The following DSTYK variants were observed in gnomAD, a reference collection of about 807,000 sequenced individuals.
DSTYK encodes the protein dual serine/threonine and tyrosine protein kinase, also known as RIP-homologous kinase.
In DSTYK, 34 loss-of-function variants were observed where a neutral mutation model predicts 98.7. That is an observed-to-expected ratio of 0.34 (90% confidence interval 0.26 to 0.46). DSTYK has a LOEUF of 0.46. DSTYK is among the 20% of genes least tolerant of loss of function. The probability of loss-of-function intolerance (pLI) is 1.00; values close to 1 mark genes in which losing one functional copy is unlikely to be tolerated. For synonymous variants in DSTYK, 462 were observed against 457.3 expected, an observed-to-expected ratio of 1.01 and a Z score of -0.13; for missense variants, 962 against 1,181.7, an observed-to-expected ratio of 0.81 and a Z score of 2.73.
intron 1 of DSTYK, among the ~76,000 whole-genome samples, chr1:205,195,577 C>T (rs922580259): frequency 1.3e-5 from 2 of 152,268 alleles, no homozygotes; most frequent in East Asian, 1.9e-4. Flanking sequence ...AAGTAGTACA[C>T]GCTATTTCTT....
chr1:205,147,622 A>G lies in DSTYK; in HGVS notation c.2726T>C (p.Ile909Thr), dbSNP rs144574659. The G allele has an allele frequency of 1.6e-5, 26 of 1,613,964 alleles. No homozygotes were observed. The African/African-American group carries it at 3.3e-4, about 21-fold the overall frequency. The change falls in exon 13 of 13, where the codon ATC becomes ACC. Residue 909 changes from isoleucine (I) to threonine (T), a missense_variant. Ile to Thr is a moderately conservative substitution (Grantham distance 89, BLOSUM62 -1). This residue lies in a region of DSTYK where 65 missense variants were observed against 63.9 expected (regional missense o/e 1.02). Transcript: ENST00000367162. Reference protein sequence around the residue: ...LGIVQPMLQGIMNRLCKSNSE... With the variant: ...LGIVQPMLQGTMNRLCKSNSE... Reference sequence around the variant, plus strand: ...ATTGGACTTGCAGAGCCGATTCATGATGCCCTGGAGCATGGGCTGGACAAT... The same window carrying G: ...ATTGGACTTGCAGAGCCGATTCATGGTGCCCTGGAGCATGGGCTGGACAAT...
intron 1 of DSTYK, among the ~76,000 whole-genome samples, chr1:205,206,686 G>A (rs564345418): frequency 2.7e-5 from 4 of 150,748 alleles, no homozygotes; most frequent in African/African-American, 4.9e-5. Flanking sequence ...AGATTCAAGC[G>A]ATTCTCCTGC....
intron 2 of DSTYK, among the ~76,000 whole-genome samples, chr1:205,180,686 A>G (rs1208651551): frequency 1.3e-5 from 2 of 152,170 alleles, no homozygotes; most frequent in Admixed American, 1.3e-4. Flanking sequence ...GCTGGTCTCA[A>G]ACTCCTGAAC....
intron 12 of DSTYK, 80 bp downstream of exon 12, chr1:205,148,125 C>T (rs1657297494): frequency 6.3e-7 from 1 of 1,576,648 alleles, no homozygotes; most frequent in Admixed American, 1.7e-5. Context: ...GATGGGATGA[C>T]AGGAGACCCG....
At chr1:205,202,146 G>A (rs1659062070) in intron 1 of DSTYK, 3 of 529,752 alleles carry the variant, frequency 5.7e-6, no homozygotes, top group African/African-American at 1.9e-5. Flanking sequence ...GAAGGGGAAG[G>A]GGAAGGGGCT....
intron 8 of DSTYK, 49 bp downstream of exon 8, chr1:205,160,065 G>A (rs1426995248): frequency 1.2e-6 from 2 of 1,605,862 alleles, no homozygotes. Flanking sequence ...CAGGGTTCTA[G>A]ATTCTTCTCT....
At position 205,144,578 on chromosome 1, in the gene DSTYK, TAC is replaced by T. The variant is rs1448687154; in HGVS notation, c.*2978_*2979del. Reference sequence around the variant, plus strand: ...AATGTTATAAAACAAAAGCAAAGTATACACACTCTATACACACGTATACCTGC... The same window carrying T: ...AATGTTATAAAACAAAAGCAAAGTATACACTCTATACACACGTATACCTGC... On this transcript the variant is annotated 3_prime_UTR_variant, in exon 13 of 13. Coordinates refer to ENST00000367162, the MANE Select transcript of DSTYK (RefSeq NM_015375.3). 2 of 152,600 alleles carry T rather than the reference TAC, an allele frequency of 1.3e-5. No homozygotes were observed. Among genetic ancestry groups the T allele is most frequent in the Non-Finnish European group, 2.9e-5 (2 of 68,036 alleles). 9.5% of individuals were successfully genotyped at this position (152,600 alleles called of 1,614,324 possible).
At chr1:205,170,119 T>G (rs571649409) in intron 2 of DSTYK, among the ~76,000 whole-genome samples, 1 of 152,276 alleles carries the variant, frequency 6.6e-6, no homozygotes, top group East Asian at 1.9e-4. Flanking sequence ...CCTTTATTGC[T>G]TAGACATTCC....
In DSTYK at chr1:205,150,611, T is replaced by TC; in HGVS notation, c.2467+68dup. 2 of 1,282,194 alleles carry TC rather than the reference T, an allele frequency of 1.6e-6. No homozygotes were observed. Among genetic ancestry groups the TC allele is most frequent in the East Asian group, 4.7e-5 (2 of 42,770 alleles). The allele number at this position is 1,282,194 out of a possible 1,614,324, so 79.4% of individuals were successfully genotyped here. On this transcript the variant is annotated intron_variant, in intron 11 of 12. Transcript: ENST00000367162. The surrounding 1 kb of genome is among the most constrained non-coding windows in gnomAD (Gnocchi z 4.1). ...GCCAGTAGTGATTGTGGAAACGAGCTCAAGGGGTAGCACTCAGGATTAAAG... is the reference window on the plus strand; with the variant it reads ...GCCAGTAGTGATTGTGGAAACGAGCTCCAAGGGGTAGCACTCAGGATTAAAG...
chr1:205,194,307 C>T (rs1658798174), intron 1 of DSTYK, among the ~76,000 whole-genome samples: 1 of 152,144 alleles, frequency 6.6e-6, no homozygotes, highest in African/African-American at 2.4e-5. Flanking sequence ...CACTACCAAT[C>T]AATAATACAT....
chr1:205,204,874 C>A (rs911556267), intron 1 of DSTYK, among the ~76,000 whole-genome samples: 13 of 152,090 alleles, frequency 8.5e-5, no homozygotes, highest in African/African-American at 1.4e-4. Flanking sequence ...GTATTACTCC[C>A]ATTATATATA....
chr1:205,158,118 A>G (rs1180621377), intron 9 of DSTYK, among the ~76,000 whole-genome samples: 2 of 152,230 alleles, frequency 1.3e-5, no homozygotes, highest in East Asian at 1.9e-4. Flanking sequence ...GGTCTCCTGA[A>G]TACTGGAAAA....
rs779266290 is a variant in DSTYK at position 205,169,148 on chromosome 1, C to A, written c.1324+15G>T. 1.2e-5 allele frequency: 18 copies of A among 1,555,226 alleles called. No individual in the cohort carries two copies. In the African/African-American group the frequency reaches 1.9e-4, roughly 17 times the overall value. On this transcript the variant is annotated intron_variant, in intron 3 of 12. Transcript: ENST00000367162. This position sits in a 1 kb window ranked among gnomAD's most constrained non-coding sequence, Gnocchi z 4.0. Reference sequence around the variant, plus strand: ...CCTCCCGTGCCAGCACCCCAACAAGCTCTCTGGGACCTACCTTTAAACTCC... The same window carrying A: ...CCTCCCGTGCCAGCACCCCAACAAGATCTCTGGGACCTACCTTTAAACTCC...
intron 2 of DSTYK, among the ~76,000 whole-genome samples, chr1:205,182,801 C>T (rs1440201025): frequency 2.3e-4 from 34 of 148,172 alleles, no homozygotes; most frequent in Non-Finnish European, 4.5e-5. Flanking sequence ...AGTAAGACTC[C>T]GTCTCAAAAA....
At chr1:205,201,342 G>A (rs1289176424) in intron 1 of DSTYK, among the ~76,000 whole-genome samples, 1 of 144,784 alleles carries the variant, frequency 6.9e-6, no homozygotes, top group East Asian at 2.1e-4. Flanking sequence ...AACATCTCAG[G>A]TATCCCATAA....
chr1:205,185,023 A>T (rs1175373282), intron 2 of DSTYK, among the ~76,000 whole-genome samples: 1 of 152,130 alleles, frequency 6.6e-6, no homozygotes, highest in Non-Finnish European at 1.5e-5. Context: ...CAACATGGCG[A>T]AACCCCATCT....
chr1:205,185,685 T>C (rs965265804), intron 2 of DSTYK, among the ~76,000 whole-genome samples: 2 of 152,240 alleles, frequency 1.3e-5, no homozygotes, highest in Non-Finnish European at 1.5e-5. Context: ...TGTGTATATA[T>C]GTACTGGGTC....
In DSTYK at chr1:205,211,507, C is replaced by T. The variant is rs749371298; in HGVS notation, c.29G>A (p.Ser10Asn). The T allele has an allele frequency of 1.9e-6, 3 of 1,569,100 alleles. No individual in the cohort carries two copies. The highest frequency in any genetic ancestry group is 4.7e-5 in the East Asian group (2 of 42,406). The change falls in exon 1 of 13, where the codon AGC becomes AAC. Residue 10 changes from serine (S) to asparagine (N), a missense_variant. Ser to Asn is a conservative substitution (Grantham distance 46). Coordinates refer to ENST00000367162, the MANE Select transcript of DSTYK (RefSeq NM_015375.3). The part of the protein sequence containing the change: MEGDGVPWG[S>N]EPVSGPGPGG... ...GGGGCCGGGACCCGAGACGGGCTCG[C>T]TGCCCCATGGCACCCCGTCGCCCTC...
At chr1:205,161,976 C>T (rs1307433567) in intron 6 of DSTYK, 60 bp downstream of exon 6, 7 of 1,545,180 alleles carry the variant, frequency 4.5e-6, no homozygotes, top group Middle Eastern at 2.1e-4. Context: ...CGAAATATTC[C>T]CATCTGGATG....
Sources: allele counts gnomAD v4.1 joint callset (sites outside exome capture counted in the v4.1 genomes callset), GRCh38; gene constraint gnomAD v4.1.1; regional missense constraint gnomAD v4.1.1; non-coding constraint Gnocchi (gnomAD v3.1); transcripts MANE v1.5; gene names NCBI Gene and HGNC (gene_info 2026-07-23, HGNC 2026-07-21).